The following MERTK variants were observed in gnomAD, a reference collection of about 807,000 sequenced individuals.
MERTK encodes MER proto-oncogene, tyrosine kinase.
MERTK carries 69 observed loss-of-function variants against 99.3 expected under a neutral mutation model. The ratio of observed to expected loss-of-function variants is 0.70; its 90% CI spans 0.57 to 0.85. The LOEUF (loss-of-function observed/expected upper bound fraction) is 0.85, where lower values mean the gene tolerates loss of function less well. Among genes scored for constraint, MERTK ranks in the 40% least tolerant of loss-of-function variants. The pLI, the probability that MERTK is intolerant of heterozygous loss-of-function variation, is 0.00. For synonymous variants in MERTK, 426 were observed against 467.6 expected (o/e 0.91, Z 1.15); for missense variants, 1,125 against 1,249.4 (o/e 0.90, Z 1.50).
Position 111,947,519 on chromosome 2 carries a change from C to A in MERTK, c.709C>A (p.Arg237Ser), listed in dbSNP as rs770812369. The A allele has an allele frequency of 6.2e-7, 1 of 1,614,182 alleles. No individual in the cohort carries two copies. Among genetic ancestry groups the A allele is most frequent in the South Asian group, 1.1e-5 (1 of 91,082 alleles). ...VNIFWVQNSS[R>S]VNEQPEKSPS... ...CATTTTCTGGGTTCAAAACAGTAGC[C>A]GTGTTAACGAACAGCCTGAAAAATC... Residue 237 changes from arginine (R) to serine (S), a missense_variant, in exon 4 of 19, where the codon CGT becomes AGT. Transcript: ENST00000295408.
At chr2:112,005,701 G>T (rs1676966466) in intron 13 of MERTK, among the ~76,000 whole-genome samples, 1 of 152,106 alleles carries the variant, frequency 6.6e-6, no homozygotes. Flanking sequence ...TGCTCAGTTT[G>T]TCAATATTCT....
chr2:111,912,047 G>A (rs1006496098), intron 1 of MERTK, among the ~76,000 whole-genome samples: 5 of 151,460 alleles, frequency 3.3e-5, no homozygotes, highest in African/African-American at 4.9e-5. Flanking sequence ...CTGTCACCCC[G>A]GCTGGAGTGC....
At chr2:112,007,338 T>C (rs753957326) in intron 13 of MERTK, among the ~76,000 whole-genome samples, 6 of 152,140 alleles carry the variant, frequency 3.9e-5, no homozygotes, top group Non-Finnish European at 8.8e-5. Context: ...GTATTTTTAG[T>C]AGAGACAGGA....
intron 1 of MERTK, among the ~76,000 whole-genome samples, chr2:111,913,930 G>A (rs1440413412): frequency 3.9e-5 from 6 of 151,934 alleles, no homozygotes; most frequent in African/African-American, 1.2e-4. Flanking sequence ...TTTTCTTTCT[G>A]ATGTGTTTTA....
At chr2:111,921,246 T>A (rs762783884) in intron 1 of MERTK, among the ~76,000 whole-genome samples, 1 of 152,076 alleles carries the variant, frequency 6.6e-6, no homozygotes, top group Non-Finnish European at 1.5e-5. Context: ...CAAAAGCCTT[T>A]CTCTGAACTT....
intron 4 of MERTK, among the ~76,000 whole-genome samples, chr2:111,961,156 CTTTTTTTTTTTTTT>C (rs1052197732): frequency 3.1e-5 from 3 of 98,082 alleles, no homozygotes; most frequent in Non-Finnish European, 4.1e-5. Flanking sequence ...AATTTTCTTT[CTTTTTTTTTTTTTT>C]TTTTTTTTTG....
In MERTK at chr2:111,935,144, A is replaced by G. The variant is rs1306006401; in HGVS notation, c.482+5604A>G. 3.3e-5 allele frequency among the ~76,000 whole-genome samples: 5 copies of G among 152,232 alleles called. No individual in the cohort carries two copies. In the East Asian group the frequency reaches 5.8e-4, roughly 18 times the overall value. The stretch of plus-strand genomic sequence containing the variant: ...AGAAATAGAGATATTGTAAAAATCA[A>G]TACACATATGCAAGTACACACTAGT... On this transcript the variant is annotated intron_variant, in intron 2 of 18. Transcript: ENST00000295408.
chr2:112,007,743 G>T (rs897170322), intron 13 of MERTK, among the ~76,000 whole-genome samples: 9 of 152,144 alleles, frequency 5.9e-5, no homozygotes, highest in African/African-American at 9.7e-5. Context: ...AACCAGACTT[G>T]CAGGACATAC....
chr2:111,979,967 G>A (rs1389998284), intron 7 of MERTK, among the ~76,000 whole-genome samples: 1 of 152,196 alleles, frequency 6.6e-6, no homozygotes, highest in African/African-American at 2.4e-5. Context: ...TCCTATGGAA[G>A]AGTGAAGAAT....
intron 15 of MERTK, among the ~76,000 whole-genome samples, chr2:112,011,458 T>TA (rs1464489844): frequency 1.3e-5 from 2 of 152,076 alleles, no homozygotes; most frequent in African/African-American, 4.8e-5. Context: ...CAAAGGAAGT[T>TA]TATTAAGTTC....
At chr2:111,925,174 TGACTGTC>T (rs935375227) in intron 1 of MERTK, among the ~76,000 whole-genome samples, 1 of 150,922 alleles carries the variant, frequency 6.6e-6, no homozygotes, top group Non-Finnish European at 1.5e-5. Context: ...TTATCCCATT[TGACTGTC>T]GTAGCAAATC....
Position 111,937,441 on chromosome 2 carries a change from G to GAAAAC in MERTK, c.483-7499_483-7495dup, listed in dbSNP as rs1245058454. 7.2e-5 allele frequency among the ~76,000 whole-genome samples: 11 copies of GAAAAC among 152,138 alleles called. No homozygotes were observed. In the South Asian group the frequency reaches 8.3e-4, roughly 11 times the overall value. Reference sequence around the variant, plus strand: ...CTGGGCAACGGAACAACACTGCCTCGAAAACAAAACAAAACAAAACAAAAG... The same window carrying GAAAAC: ...CTGGGCAACGGAACAACACTGCCTCGAAAACAAAACAAAACAAAACAAAACAAAAG... On this transcript the variant is annotated intron_variant, in intron 2 of 18. Coordinates refer to ENST00000295408, the MANE Select transcript of MERTK (RefSeq NM_006343.3).
rs1211573245 is a variant in MERTK, at chr2:111,929,582, A to ATTTATTTATTTATTTATTTATTTAT, written c.482+58_482+59insTTTATTTATTTTATTTATTTATTTA. ...CCTTTTTTATTTTTTTAGTTTTAAT[A>ATTTATTTATTTATTTATTTATTTAT]TTTATTTATTTATTTACTTATTGAG... On this transcript the variant is annotated intron_variant, in intron 2 of 18. Transcript: ENST00000295408. 4.7e-5 allele frequency: 58 copies of ATTTATTTATTTATTTATTTATTTAT among 1,224,332 alleles called. 1 individual carries two copies. The African/African-American group carries it at 7.8e-4, about 16-fold the overall frequency. The allele number at this position is 1,224,332 out of a possible 1,614,324, so 75.8% of individuals were successfully genotyped here. A position where few individuals can be genotyped will look rare whatever the true frequency, so the allele number is the denominator to read the frequency against.
intron 18 of MERTK, 167 bp downstream of exon 18, chr2:112,022,561 T>C: frequency 9.8e-7 from 1 of 1,016,384 alleles, no homozygotes; most frequent in Non-Finnish European, 1.6e-6. Flanking sequence ...GAGCCATTCC[T>C]GATGTGGGAG....
At position 112,003,187 on chromosome 2, in the gene MERTK, G is replaced by A; in HGVS notation, c.1786G>A (p.Gly596Arg). The change falls in exon 12 of 19, where the codon GGA (glycine) becomes AGA (arginine). Residue 596 changes from glycine to arginine, a missense_variant and splice_region_variant. Gly to Arg is a moderately radical substitution (Grantham distance 125). Coordinates refer to ENST00000295408, the MANE Select transcript of MERTK (RefSeq NM_006343.3). ...AATTCTTGGAAAAATTCTGGGTGAA[G>A]GTAAGCAATTTAAAGTAATTCTTTT... ...LLILGKILGEGEFGSVMEGNL... is the reference protein window; with the variant it reads ...LLILGKILGEREFGSVMEGNL... 1 of 1,467,456 alleles carries A rather than the reference G, an allele frequency of 6.8e-7. No individual in the cohort carries two copies. The highest frequency in any genetic ancestry group is 1.1e-5 in the South Asian group (1 of 88,202). The allele number at this position is 1,467,456 out of a possible 1,614,324, so 90.9% of individuals were successfully genotyped here. A position where few individuals can be genotyped will look rare whatever the true frequency, so the allele number is the denominator to read the frequency against.
chr2:111,969,098 A>T (rs1676021974), intron 6 of MERTK, among the ~76,000 whole-genome samples: 1 of 152,174 alleles, frequency 6.6e-6, no homozygotes, highest in Admixed American at 6.5e-5. Context: ...AGCCATCCTA[A>T]AATGATAACT....
intron 1 of MERTK, among the ~76,000 whole-genome samples, chr2:111,905,556 C>T (rs1273346075): frequency 6.7e-6 from 1 of 149,420 alleles, no homozygotes; most frequent in Non-Finnish European, 1.5e-5. Flanking sequence ...AGGGTTCAAC[C>T]TCCTGGGTTC....
intron 1 of MERTK, among the ~76,000 whole-genome samples, chr2:111,919,274 C>T (rs1684410645): frequency 6.6e-6 from 1 of 152,050 alleles, no homozygotes; most frequent in Non-Finnish European, 1.5e-5. Flanking sequence ...CCCTGGCCCA[C>T]CTTAGAGTGA....
rs142985827 is a variant in MERTK, at chr2:111,982,958, C to T, written c.1261C>T (p.Arg421Trp). 1,346 of 1,614,078 alleles carry T rather than the reference C, an allele frequency of 8.3e-4. 2 individuals are homozygous for T. Among genetic ancestry groups the T allele is most frequent in the Non-Finnish European group, 9.0e-4 (1,065 of 1,179,994 alleles). Residue 421 changes from arginine (R) to tryptophan (W), a missense_variant, in exon 8 of 19, where the codon CGG (arginine) becomes TGG (tryptophan). Transcript: ENST00000295408. ...KQQDGELVGY[R>W]ISHVWQSAGI... The stretch of plus-strand genomic sequence containing the variant: ...GCAGGATGGAGAACTGGTGGGCTAC[C>T]GGATATCCCACGTGTGGCAGAGTGC...
Sources: gnomAD v4.1 joint callset for allele counts (sites outside exome capture counted in the v4.1 genomes callset) on GRCh38, gnomAD v4.1.1 for gene constraint, MANE v1.5 for transcripts, NCBI Gene and HGNC (gene_info 2026-07-23, HGNC 2026-07-21) for gene names.